DPP10: variants seen among roughly 807,000 people sequenced by gnomAD.
DPP10 encodes inactive dipeptidyl peptidase 10.
A neutral mutation model predicts 120.9 loss-of-function variants in DPP10; 33 were observed. That is an observed-to-expected ratio of 0.27 (90% CI 0.21 to 0.37). The LOEUF (loss-of-function observed/expected upper bound fraction) is 0.37. Ranked by LOEUF, DPP10 falls within the 10% of genes least tolerant of loss-of-function variation. DPP10 has a pLI of 1.00. For missense variants in DPP10, 816 were observed against 942.8 expected (o/e 0.87, Z 1.76); for synonymous variants, 337 against 326.1 (o/e 1.03, Z -0.36).
intron 4 of DPP10, among the ~76,000 whole-genome samples, chr2:115,518,249 G>A (rs1268118444): frequency 1.3e-5 from 2 of 152,066 alleles, no homozygotes; most frequent in Non-Finnish European, 2.9e-5. Context: ...CGAAACTGTA[G>A]CAATATCAAA....
chr2:114,556,637 G>A (rs1688336224), intron 1 of DPP10, among the ~76,000 whole-genome samples: 1 of 152,072 alleles, frequency 6.6e-6, no homozygotes, highest in African/African-American at 2.4e-5. Flanking sequence ...TGGTGAAATG[G>A]CATTTAAGCT....
intron 1 of DPP10, among the ~76,000 whole-genome samples, chr2:115,005,581 A>G (rs1459664969): frequency 6.6e-6 from 1 of 152,168 alleles, no homozygotes; most frequent in Non-Finnish European, 1.5e-5. Context: ...CAGAAGCCTC[A>G]GGAGCCGATG....
At chr2:114,792,445 G>A (rs976542284) in intron 1 of DPP10, among the ~76,000 whole-genome samples, 9 of 152,108 alleles carry the variant, frequency 5.9e-5, no homozygotes, top group Non-Finnish European at 1.3e-4. Flanking sequence ...TTCCTAAGAG[G>A]GAAATAAGTA....
chr2:114,638,877 G>A (rs1695494638), intron 1 of DPP10, among the ~76,000 whole-genome samples: 1 of 151,870 alleles, frequency 6.6e-6, no homozygotes, highest in Non-Finnish European at 1.5e-5. Context: ...CAAAACCATA[G>A]GAGCAAGTTA....
At chr2:114,705,173 T>C (rs1226425119) in intron 1 of DPP10, among the ~76,000 whole-genome samples, 2 of 152,168 alleles carry the variant, frequency 1.3e-5, no homozygotes, top group Non-Finnish European at 2.9e-5. Flanking sequence ...GAAAGCCACA[T>C]TGAGCTGGAC....
intron 1 of DPP10, among the ~76,000 whole-genome samples, chr2:115,047,356 C>T (rs1440195370): frequency 6.6e-6 from 1 of 151,842 alleles, no homozygotes; most frequent in East Asian, 1.9e-4. Flanking sequence ...GCCAACAATA[C>T]TAAATGTTAA....
At chr2:115,832,842 G>A (rs893640811) in intron 21 of DPP10, among the ~76,000 whole-genome samples, 4 of 151,822 alleles carry the variant, frequency 2.6e-5, no homozygotes, top group African/African-American at 7.3e-5. Context: ...AGGGAACATC[G>A]GCTGGGACTA....
At chr2:115,302,625 A>C (rs2105984270) in intron 1 of DPP10, among the ~76,000 whole-genome samples, 1 of 152,000 alleles carries the variant, frequency 6.6e-6, no homozygotes, top group African/African-American at 2.4e-5. Context: ...CAATCCCGGA[A>C]CAAAATAAAT....
rs559230072 is a variant in DPP10 at position 114,914,240 on chromosome 2, C to T, written c.61-394999C>T. Among the ~76,000 whole-genome samples the T allele has an allele frequency of 5.3e-5, 8 of 152,236 alleles. No homozygotes were observed. In the East Asian group the frequency reaches 1.4e-3, roughly 26 times the overall value. On this transcript the variant is annotated intron_variant, in intron 1 of 25. Coordinates refer to ENST00000410059, the MANE Select transcript of DPP10 (RefSeq NM_020868.6). ...ATGAGATGCTATACAATATGACCAT[C>T]CACAAGACACGTAGTCATCGTATTC...
intron 1 of DPP10, among the ~76,000 whole-genome samples, chr2:114,600,192 G>C (rs1237404856): frequency 6.6e-6 from 1 of 151,432 alleles, no homozygotes; most frequent in African/African-American, 2.4e-5. Flanking sequence ...TGACCCAGGG[G>C]TCACTTAGAT....
intron 1 of DPP10, chr2:114,835,712 A>G (rs1687679131): frequency 6.6e-6 from 1 of 152,152 alleles, no homozygotes; most frequent in Admixed American, 6.6e-5. Context: ...CTCCAGAACC[A>G]TTTGTAAAAT....
intron 1 of DPP10, among the ~76,000 whole-genome samples, chr2:114,457,474 G>A (rs913020514): frequency 6.6e-6 from 1 of 152,126 alleles, no homozygotes; most frequent in Non-Finnish European, 1.5e-5. Flanking sequence ...AGTAGGTCTG[G>A]GTCATTCTGG....
At chr2:114,713,707 T>A (rs1701170796) in intron 1 of DPP10, among the ~76,000 whole-genome samples, 1 of 152,082 alleles carries the variant, frequency 6.6e-6, no homozygotes. Context: ...AAGTACAAAT[T>A]TGGCTGGGCG....
At chr2:114,781,159 G>A (rs1682293073) in intron 1 of DPP10, among the ~76,000 whole-genome samples, 1 of 152,104 alleles carries the variant, frequency 6.6e-6, no homozygotes, top group Non-Finnish European at 1.5e-5. Context: ...TTTGTAGAGA[G>A]GATGTAATAG....
At position 114,542,804 on chromosome 2, in the gene DPP10, G is replaced by C. The variant is rs551457463; in HGVS notation, c.60+99966G>C. ...ATCTCATGACTCATTATTGCACTAT[G>C]CCTCCAAAACTGAATGTGCCTCATA... On this transcript the variant is annotated intron_variant, in intron 1 of 25. Coordinates refer to ENST00000410059, the MANE Select transcript of DPP10 (RefSeq NM_020868.6). 2.0e-5 allele frequency among the ~76,000 whole-genome samples: 3 copies of C among 152,300 alleles called. No homozygotes were observed. The South Asian group carries it at 6.2e-4, about 32-fold the overall frequency.
intron 19 of DPP10, among the ~76,000 whole-genome samples, chr2:115,800,202 T>C (rs1685029889): frequency 6.6e-6 from 1 of 151,926 alleles, no homozygotes; most frequent in Non-Finnish European, 1.5e-5. Flanking sequence ...TGAGCATTTT[T>C]TCATGTGTCT....
At chr2:115,512,767 T>C in intron 4 of DPP10, among the ~76,000 whole-genome samples, 1 of 152,142 alleles carries the variant, frequency 6.6e-6, no homozygotes, top group East Asian at 1.9e-4. Context: ...CTTTTTATAA[T>C]TTCAATACTT....
intron 1 of DPP10, among the ~76,000 whole-genome samples, chr2:114,709,942 T>G (rs200377673): frequency 6.6e-6 from 1 of 152,218 alleles, no homozygotes; most frequent in Non-Finnish European, 1.5e-5. Flanking sequence ...GAAAGAAAGA[T>G]ATATAATGCA....
intron 1 of DPP10, among the ~76,000 whole-genome samples, chr2:114,845,949 A>G (rs1301174049): frequency 2.0e-5 from 3 of 152,046 alleles, no homozygotes; most frequent in African/African-American, 7.2e-5. Context: ...TGTGCTATTT[A>G]GTTTTCTTCC....
Sources: gnomAD v4.1 joint callset for allele counts (sites outside exome capture counted in the v4.1 genomes callset) on GRCh38, gnomAD v4.1.1 for gene constraint, MANE v1.5 for transcripts, NCBI Gene and HGNC (gene_info 2026-07-23, HGNC 2026-07-21) for gene names.